The following LMO7 variants were observed in gnomAD, a reference collection of about 807,000 sequenced individuals.
LMO7 encodes the protein LIM domain 7.
In LMO7, 120 loss-of-function variants were observed where a neutral mutation model predicts 206.5. That is an observed-to-expected ratio of 0.58 (90% CI 0.50 to 0.68). The LOEUF (loss-of-function observed/expected upper bound fraction) is 0.68, where lower values mean the gene tolerates loss of function less well. Among genes scored for constraint, LMO7 ranks in the 30% least tolerant of loss-of-function variants. LMO7 has a pLI of 0.00. For synonymous variants in LMO7, 706 were observed against 681.5 expected, an observed-to-expected ratio of 1.04 and a Z score of -0.56; for missense variants, 1,959 against 1,957.9, an observed-to-expected ratio of 1.00 and a Z score of -0.01.
intron 3 of LMO7, among the ~76,000 whole-genome samples, chr13:75,742,292 T>C (rs73225989): frequency 0.065 from 9,969 of 152,200 alleles, 474 homozygotes; most frequent in Non-Finnish European, 0.097. Flanking sequence ...TCAAAATCAT[T>C]AATATAGCCA....
intron 3 of LMO7, among the ~76,000 whole-genome samples, chr13:75,727,752 T>C (rs1211827293): frequency 1.3e-5 from 2 of 151,460 alleles, no homozygotes; most frequent in African/African-American, 4.9e-5. Flanking sequence ...ATTAGGTATA[T>C]CTCCTAATGC....
chr13:75,773,106 G>T lies in LMO7; in HGVS notation c.317+12068G>T, dbSNP rs865774888. On this transcript the variant is annotated intron_variant, in intron 4 of 30. Coordinates refer to ENST00000377534, the MANE Select transcript of LMO7 (RefSeq NM_001306080.2). ...AATGAGAAGTTAAAGACCACTGCAT[G>T]TCCAAGGGCACAGAGGCAAGAAGTC... Among the ~76,000 whole-genome samples the T allele has an allele frequency of 2.0e-5, 3 of 152,268 alleles. 1 individual carries two copies. In the South Asian group the frequency reaches 6.2e-4, roughly 32 times the overall value.
At chr13:75,690,510 TA>T (rs1464451352) in intron 1 of LMO7, among the ~76,000 whole-genome samples, 13 of 152,188 alleles carry the variant, frequency 8.5e-5, no homozygotes. Flanking sequence ...TTTGAATAAA[TA>T]AAGTACTTGA....
intron 4 of LMO7, among the ~76,000 whole-genome samples, chr13:75,775,972 A>G (rs1179340900): frequency 6.6e-6 from 1 of 151,040 alleles, no homozygotes; most frequent in Non-Finnish European, 1.5e-5. Flanking sequence ...GTATCTACCT[A>G]AAGGGAAAGA....
At chr13:75,634,338 T>C (rs745702580), upstream of LMO7, among the ~76,000 whole-genome samples, 1 of 151,988 alleles carries the variant, frequency 6.6e-6, no homozygotes, top group Non-Finnish European at 1.5e-5. Context: ...CTTGGGAGTC[T>C]GAGGCAAGAG....
intron 1 of LMO7, among the ~76,000 whole-genome samples, chr13:75,648,061 T>C (rs543760593): frequency 1.4e-5 from 2 of 147,978 alleles, no homozygotes; most frequent in East Asian, 4.2e-4. Flanking sequence ...GATCCTCCTG[T>C]CTGAGCCTCC....
At chr13:75,848,178 A>G (rs1053385812) in intron 26 of LMO7, among the ~76,000 whole-genome samples, 4 of 152,106 alleles carry the variant, frequency 2.6e-5, no homozygotes, top group Admixed American at 2.0e-4. Context: ...AGAAGTATAC[A>G]CTGAGCTGAA....
Position 75,713,196 on chromosome 13 carries a change from G to T in LMO7, c.84G>T (p.Lys28Asn). ...CTATCTTTCAGGCAGTAACAGAGAA[G>T]AATTTTGAAACAAAAGATTTTCGAG... is the stretch of plus-strand genomic sequence containing the variant. ...AQRWVEAVTEKNFETKDFRAS... is the reference protein window; with the variant it reads ...AQRWVEAVTENNFETKDFRAS... Residue 28 changes from lysine to asparagine, a missense_variant, in exon 2 of 31, where the codon AAG becomes AAT. Lys to Asn is a moderately conservative substitution (Grantham distance 94). Coordinates refer to ENST00000377534, the MANE Select transcript of LMO7 (RefSeq NM_001306080.2). 1 of 1,611,972 alleles carries T rather than the reference G, an allele frequency of 6.2e-7. No individual in the cohort carries two copies. Among genetic ancestry groups the T allele is most frequent in the Non-Finnish European group, 8.5e-7 (1 of 1,178,754 alleles).
Position 75,856,502 on chromosome 13 carries a change from C to G in LMO7, c.4771-4C>G. The G allele has an allele frequency of 6.3e-7, 1 of 1,585,874 alleles. No individual in the cohort carries two copies. The highest frequency in any genetic ancestry group is 8.6e-7 in the Non-Finnish European group (1 of 1,156,384). On this transcript the variant is annotated splice_polypyrimidine_tract_variant and splice_region_variant and intron_variant, in intron 29 of 30. Transcript: ENST00000377534. ...GTAGATGTTCTTTTTTTTTTGTTCC[C>G]CAGTGTGTTGCCTGTGAGTGTGACC...
At chr13:75,635,459 C>T (rs1023421357), upstream of LMO7, among the ~76,000 whole-genome samples, 19 of 152,244 alleles carry the variant, frequency 1.2e-4, no homozygotes, top group African/African-American at 4.6e-4. Flanking sequence ...CGGCCCTGCA[C>T]ACCTACCCAG....
At chr13:75,785,662 A>T (rs137861003) in intron 4 of LMO7, among the ~76,000 whole-genome samples, 2 of 152,340 alleles carry the variant, frequency 1.3e-5, no homozygotes, top group African/African-American at 4.8e-5. Flanking sequence ...TAGTATGTGT[A>T]TTCAAGAGGA....
At chr13:75,825,011 A>G (rs4884023) in intron 15 of LMO7, among the ~76,000 whole-genome samples, 34,327 of 152,142 alleles carry the variant, frequency 0.23, 4,653 homozygotes, top group African/African-American at 0.39. Context: ...GCAGGAAAGT[A>G]TAAATAATTT....
At chr13:75,626,003 T>TC (rs1566248162) in intron 2 of LMO7, among the ~76,000 whole-genome samples, 1 of 152,308 alleles carries the variant, frequency 6.6e-6, no homozygotes, top group East Asian at 1.9e-4. Flanking sequence ...TTGTAAGGTT[T>TC]CTTCACATTG....
chr13:75,628,134 C>T (rs1181790279), intron 2 of LMO7: 4 of 152,292 alleles, frequency 2.6e-5, no homozygotes, highest in East Asian at 3.9e-4. Flanking sequence ...AACTTGAGGG[C>T]TTCTCATCTA....
At chr13:75,628,872 C>T (rs528303448) in intron 2 of LMO7, among the ~76,000 whole-genome samples, 1 of 152,332 alleles carries the variant, frequency 6.6e-6, no homozygotes, top group African/African-American at 2.4e-5. Context: ...CTCCTCTCCA[C>T]CCTACCCCAC....
chr13:75,771,646 T>C (rs2140052229), intron 4 of LMO7, among the ~76,000 whole-genome samples: 1 of 91,302 alleles, frequency 1.1e-5, no homozygotes. Flanking sequence ...TCTATTTTAC[T>C]TAATCTTGTT....
At chr13:75,713,970 G>A (rs2043319434) in intron 2 of LMO7, among the ~76,000 whole-genome samples, 2 of 152,194 alleles carry the variant, frequency 1.3e-5, no homozygotes, top group South Asian at 4.1e-4. Context: ...GGTTGCAGAA[G>A]CGAGCAAATA....
intron 16 of LMO7, among the ~76,000 whole-genome samples, 168 bp from the exon 17 acceptor site, chr13:75,834,058 G>A (rs891801201): frequency 5.3e-5 from 8 of 151,952 alleles, no homozygotes; most frequent in Non-Finnish European, 7.4e-5. Context: ...CTAATGCTTT[G>A]TATGTTGTAC....
intron 4 of LMO7, among the ~76,000 whole-genome samples, chr13:75,770,338 T>TG (rs969924075): frequency 1.3e-5 from 2 of 151,788 alleles, no homozygotes; most frequent in Non-Finnish European, 2.9e-5. Flanking sequence ...TGTGGGTGGG[T>TG]GGTGTGGGGA....
Sources: gnomAD v4.1 joint callset for allele counts (sites outside exome capture counted in the v4.1 genomes callset) on GRCh38, gnomAD v4.1.1 for gene constraint, MANE v1.5 for transcripts, NCBI Gene and HGNC (gene_info 2026-07-23, HGNC 2026-07-21) for gene names.